The following DOCK2 variants were observed in gnomAD, a reference collection of about 807,000 sequenced individuals.
DOCK2 encodes dedicator of cytokinesis 2.
DOCK2 carries 87 observed loss-of-function variants against 248.9 expected under a neutral mutation model. That is an observed-to-expected ratio of 0.35 (90% CI 0.29 to 0.42). The LOEUF (loss-of-function observed/expected upper bound fraction) is 0.42. Among genes scored for constraint, DOCK2 ranks in the 10% least tolerant of loss-of-function variants. The pLI, the probability that DOCK2 is intolerant of heterozygous loss-of-function variation, is 1.00. For synonymous variants in DOCK2, 805 were observed against 821.6 expected (o/e 0.98, Z 0.35); for missense variants, 1,747 against 2,300.2 (o/e 0.76, Z 4.92).
At chr5:169,774,215 ATATT>A (rs1765253009) in intron 25 of DOCK2, among the ~76,000 whole-genome samples, 1 of 152,254 alleles carries the variant, frequency 6.6e-6, no homozygotes, top group South Asian at 2.1e-4. Flanking sequence ...AGTTCAAGTA[ATATT>A]TATTAAAAAT....
chr5:169,999,801 A>G (rs1006645256), intron 30 of DOCK2, among the ~76,000 whole-genome samples: 2 of 152,152 alleles, frequency 1.3e-5, no homozygotes, highest in African/African-American at 4.8e-5. Flanking sequence ...TATGCATTTA[A>G]TATCAGCAGG....
intron 44 of DOCK2, 90 bp from the exon 45 acceptor site, chr5:170,067,420 C>T (rs1308048964): frequency 2.2e-6 from 3 of 1,386,030 alleles, no homozygotes; most frequent in Non-Finnish European, 3.0e-6. Context: ...CATTTGAATT[C>T]CCACCCCAAG....
At chr5:169,915,557 AACACACACACAC>A (rs56728646) in intron 27 of DOCK2, among the ~76,000 whole-genome samples, 221 of 143,488 alleles carry the variant, frequency 1.5e-3, no homozygotes, top group Non-Finnish European at 2.0e-3. Flanking sequence ...ATTGACAGGG[AACACACACACAC>A]ACACACACAC....
intron 27 of DOCK2, chr5:169,884,424 A>T (rs981815839): frequency 6.6e-6 from 1 of 152,378 alleles, no homozygotes; most frequent in African/African-American, 2.4e-5. Context: ...TCTTCTTTCC[A>T]TAGCAGGTAA....
At chr5:169,855,838 T>A (rs1185870706) in intron 27 of DOCK2, among the ~76,000 whole-genome samples, 1 of 152,200 alleles carries the variant, frequency 6.6e-6, no homozygotes, top group Non-Finnish European at 1.5e-5. Flanking sequence ...TTGGTCTGTT[T>A]TAACACTGTG....
chr5:169,760,211 A>G (rs1395301168), intron 24 of DOCK2, among the ~76,000 whole-genome samples: 1 of 152,166 alleles, frequency 6.6e-6, no homozygotes, highest in Non-Finnish European at 1.5e-5. Flanking sequence ...TCATAGATGA[A>G]CACGTTATTT....
At chr5:169,678,411 A>T (rs1283999885) in intron 6 of DOCK2, among the ~76,000 whole-genome samples, 2 of 151,998 alleles carry the variant, frequency 1.3e-5, no homozygotes, top group African/African-American at 4.8e-5. Context: ...CTATAGGCAC[A>T]CGTCACCATG....
intron 2 of DOCK2, among the ~76,000 whole-genome samples, chr5:169,658,127 TAAAG>T (rs1758225142): frequency 6.6e-6 from 1 of 152,214 alleles, no homozygotes; most frequent in Non-Finnish European, 1.5e-5. Context: ...TTTTTAGTGA[TAAAG>T]AAACATTGAA....
intron 27 of DOCK2, among the ~76,000 whole-genome samples, chr5:169,860,922 A>G (rs1005926192): frequency 6.6e-6 from 1 of 152,244 alleles, no homozygotes; most frequent in African/African-American, 2.4e-5. Flanking sequence ...TTTTTGGAAC[A>G]TGATATTGTT....
chr5:169,958,347 G>A (rs1776949859), intron 27 of DOCK2, among the ~76,000 whole-genome samples: 1 of 152,136 alleles, frequency 6.6e-6, no homozygotes, highest in Non-Finnish European at 1.5e-5. Context: ...GGTTTCTGGG[G>A]ACAGTGAAAA....
At chr5:169,886,126 C>T (rs1036092118) in intron 27 of DOCK2, among the ~76,000 whole-genome samples, 4 of 151,984 alleles carry the variant, frequency 2.6e-5, no homozygotes, top group Non-Finnish European at 4.4e-5. Context: ...AGAAAAAAAC[C>T]CCTCTTTTTC....
intron 27 of DOCK2, among the ~76,000 whole-genome samples, chr5:169,867,314 C>G (rs889304304): frequency 6.6e-6 from 1 of 152,138 alleles, no homozygotes; most frequent in Non-Finnish European, 1.5e-5. Context: ...TTTCCTGAGG[C>G]CTGCTCCTGA....
chr5:169,934,333 T>C (rs1241596914), intron 27 of DOCK2, among the ~76,000 whole-genome samples: 3 of 152,178 alleles, frequency 2.0e-5, no homozygotes, highest in African/African-American at 7.2e-5. Context: ...CCTAGGTACT[T>C]TGGTAGTTGT....
At chr5:170,081,666 A>T (rs1758036922) in intron 50 of DOCK2, 176 bp from the exon 51 acceptor site, 2 of 705,232 alleles carry the variant, frequency 2.8e-6, no homozygotes, top group East Asian at 5.6e-5. Flanking sequence ...GCAAGAGGAC[A>T]GCTTCAATGT....
At chr5:169,697,009 G>A (rs1327749103) in intron 10 of DOCK2, among the ~76,000 whole-genome samples, 2 of 151,968 alleles carry the variant, frequency 1.3e-5, no homozygotes, top group East Asian at 3.9e-4. Flanking sequence ...CTGACATCAT[G>A]GTGTTTCTGT....
intron 3 of DOCK2, among the ~76,000 whole-genome samples, chr5:169,669,691 T>A (rs928877454): frequency 1.3e-5 from 2 of 152,206 alleles, no homozygotes; most frequent in African/African-American, 4.8e-5. Context: ...CTCATCCGTA[T>A]ACCCAGGTCA....
At chr5:170,021,740 C>T (rs1021738831) in intron 33 of DOCK2, among the ~76,000 whole-genome samples, 1 of 152,126 alleles carries the variant, frequency 6.6e-6, no homozygotes, top group African/African-American at 2.4e-5. Context: ...AACCAGCTGG[C>T]GTGCTTCATA....
intron 27 of DOCK2, among the ~76,000 whole-genome samples, chr5:169,868,836 G>A (rs749343683): frequency 1.7e-4 from 26 of 152,124 alleles, no homozygotes; most frequent in Non-Finnish European, 3.2e-4. Flanking sequence ...AGAAAAGACC[G>A]GGAGATGGAA....
At chr5:169,931,831 C>A (rs1482340177) in intron 27 of DOCK2, among the ~76,000 whole-genome samples, 2 of 152,220 alleles carry the variant, frequency 1.3e-5, no homozygotes, top group African/African-American at 4.8e-5. Flanking sequence ...ATCCTTCCTC[C>A]AGGGATCATA....
Sources: allele counts gnomAD v4.1 joint callset (sites outside exome capture counted in the v4.1 genomes callset), GRCh38; gene constraint gnomAD v4.1.1; transcripts MANE v1.5; gene names NCBI Gene and HGNC (gene_info 2026-07-23, HGNC 2026-07-21).